NAALADL2: variants seen among roughly 807,000 people sequenced by gnomAD.
NAALADL2 encodes the protein N-acetylated alpha-linked acidic dipeptidase like 2.
A neutral mutation model predicts 87.2 loss-of-function variants in NAALADL2; 76 were observed. The observed-to-expected ratio is 0.87, with a 90% CI of 0.72 to 1.05. NAALADL2 has a LOEUF of 1.05. Among genes scored for constraint, NAALADL2 ranks in the 50% least tolerant of loss-of-function variants. The pLI is 0.00. For synonymous variants in NAALADL2, 354 were observed against 331.0 expected (o/e 1.07, Z -0.75); for missense variants, 1,089 against 945.8 (o/e 1.15, Z -1.99).
intron 13 of NAALADL2, among the ~76,000 whole-genome samples, chr3:175,769,532 C>T (rs1749196935): frequency 1.3e-5 from 2 of 152,132 alleles, no homozygotes; most frequent in Non-Finnish European, 2.9e-5. Context: ...TACTTTTTAT[C>T]TATTTATGTA....
chr3:174,824,973 C>T (rs1721821648), intron 3 of NAALADL2, among the ~76,000 whole-genome samples: 1 of 152,158 alleles, frequency 6.6e-6, no homozygotes, highest in Non-Finnish European at 1.5e-5. Flanking sequence ...CTGCAATTCT[C>T]ATTGATTAAT....
At chr3:175,693,398 G>A (rs143320921) in intron 11 of NAALADL2, among the ~76,000 whole-genome samples, 2 of 152,272 alleles carry the variant, frequency 1.3e-5, no homozygotes, top group East Asian at 3.9e-4. Context: ...GTAACCCAAT[G>A]CACTCAGGCA....
At chr3:175,752,207 T>C (rs1464386604) in intron 12 of NAALADL2, among the ~76,000 whole-genome samples, 1 of 152,130 alleles carries the variant, frequency 6.6e-6, no homozygotes, top group Non-Finnish European at 1.5e-5. Context: ...TACATAGGGT[T>C]CTTTCCAATC....
At chr3:175,324,645 C>A (rs1458793681) in intron 5 of NAALADL2, among the ~76,000 whole-genome samples, 1 of 152,092 alleles carries the variant, frequency 6.6e-6, no homozygotes, top group Non-Finnish European at 1.5e-5. Context: ...TCCAGGTAAG[C>A]CAATAGCATG....
intron 2 of NAALADL2, among the ~76,000 whole-genome samples, chr3:174,632,423 T>TA (rs1433243398): frequency 6.6e-6 from 1 of 152,130 alleles, no homozygotes; most frequent in African/African-American, 2.4e-5. Flanking sequence ...AATACATTTG[T>TA]AAAATATATA....
chr3:175,723,508 G>T (rs952886860), intron 11 of NAALADL2, among the ~76,000 whole-genome samples: 10 of 152,102 alleles, frequency 6.6e-5, no homozygotes, highest in Non-Finnish European at 1.3e-4. Context: ...ATTGCTAGAT[G>T]AAATTAAGAC....
chr3:174,928,572 T>A (rs1306857120), intron 1 of NAALADL2, among the ~76,000 whole-genome samples: 1 of 152,208 alleles, frequency 6.6e-6, no homozygotes, highest in Non-Finnish European at 1.5e-5. Flanking sequence ...GTAATCATAA[T>A]TAAAGAAATT....
chr3:175,628,154 C>T (rs575466651), intron 11 of NAALADL2, among the ~76,000 whole-genome samples: 1 of 151,628 alleles, frequency 6.6e-6, no homozygotes, highest in South Asian at 2.1e-4. Context: ...ACATCAAGTA[C>T]CCATACAACC....
intron 1 of NAALADL2, among the ~76,000 whole-genome samples, chr3:174,893,310 A>AC (rs35730234): frequency 0.12 from 17,296 of 138,996 alleles, 1,088 homozygotes; most frequent in East Asian, 0.31. Flanking sequence ...GAGTACTTCA[A>AC]CCCCCCCCCG....
At chr3:174,866,014 A>C (rs74867122) in intron 1 of NAALADL2, among the ~76,000 whole-genome samples, 14,193 of 151,946 alleles carry the variant, frequency 0.093, 753 homozygotes, top group Middle Eastern at 0.13. Context: ...GAACATGCTG[A>C]AAAACTGTCA....
rs71164650 is a variant in NAALADL2 at position 175,737,714 on chromosome 3, G to GTTTTTTTTTTTTTTTTTTT, written c.1990+327_1990+345dup. Among the ~76,000 whole-genome samples, 9 of 54,760 alleles carry GTTTTTTTTTTTTTTTTTTT rather than the reference G, an allele frequency of 1.6e-4. 2 individuals carry two copies. Among genetic ancestry groups the GTTTTTTTTTTTTTTTTTTT allele is most frequent in the African/African-American group, 7.4e-4 (9 of 12,160 alleles). 35.9% of individuals were successfully genotyped at this position (54,760 alleles called of 152,430 possible). On this transcript the variant is annotated intron_variant, in intron 12 of 13. Coordinates refer to ENST00000454872, the MANE Select transcript of NAALADL2 (RefSeq NM_207015.3). ...TAGAATAATACAGTTCAATGATCCA[G>GTTTTTTTTTTTTTTTTTTT]TTTTTTTTTTTTTTTTTTTTTTTTT...
intron 1 of NAALADL2, among the ~76,000 whole-genome samples, chr3:175,045,687 G>C (rs1228070074): frequency 6.6e-6 from 1 of 152,118 alleles, no homozygotes; most frequent in Non-Finnish European, 1.5e-5. Flanking sequence ...GTCACGCAGG[G>C]TGGCAAGGAT....
At chr3:175,189,366 T>C (rs1276223448) in intron 2 of NAALADL2, among the ~76,000 whole-genome samples, 4 of 152,236 alleles carry the variant, frequency 2.6e-5, no homozygotes, top group Admixed American at 1.3e-4. Flanking sequence ...TTAGAACCAA[T>C]AAATAAATTC....
intron 2 of NAALADL2, among the ~76,000 whole-genome samples, chr3:174,604,253 G>A (rs1718751984): frequency 6.6e-6 from 1 of 152,056 alleles, no homozygotes; most frequent in Non-Finnish European, 1.5e-5. Context: ...ATTCAGTGTT[G>A]AGTGCATATA....
rs182838458 is a variant in NAALADL2 at position 175,596,600 on chromosome 3, T to C, written c.1800+20413T>C. Among the ~76,000 whole-genome samples the C allele has an allele frequency of 1.8e-4, 27 of 152,036 alleles. No homozygotes were observed. In the East Asian group the frequency reaches 2.3e-3, roughly 13 times the overall value. On this transcript the variant is annotated intron_variant, in intron 10 of 13. Coordinates refer to ENST00000454872, the MANE Select transcript of NAALADL2 (RefSeq NM_207015.3). ...TGAGCGAATCCAGACTGAGTTTTTT[T>C]CCCATGTTGAGAAGTCTGCTCTCCA...
intron 5 of NAALADL2, among the ~76,000 whole-genome samples, chr3:175,370,808 T>C (rs1766384130): frequency 6.6e-6 from 1 of 152,194 alleles, no homozygotes; most frequent in Non-Finnish European, 1.5e-5. Flanking sequence ...TTTCTTTCAT[T>C]GTTTTCAATA....
rs1413689750 is a variant in NAALADL2 at position 174,993,455 on chromosome 3, C to T, written c.44-103335C>T. On this transcript the variant is annotated intron_variant, in intron 1 of 13. Coordinates refer to ENST00000454872, the MANE Select transcript of NAALADL2 (RefSeq NM_207015.3). ...AGTGAGACATTCTTTACCCAAATAA[C>T]TAACAAGTATAAAATTGTAATTAAA... Among the ~76,000 whole-genome samples the T allele has an allele frequency of 2.0e-5, 3 of 152,092 alleles. No homozygotes were observed. The East Asian group carries it at 5.8e-4, about 29-fold the overall frequency.
At chr3:174,940,346 C>G (rs1738389964) in intron 1 of NAALADL2, among the ~76,000 whole-genome samples, 1 of 152,150 alleles carries the variant, frequency 6.6e-6, no homozygotes, top group South Asian at 2.1e-4. Context: ...AATCTTGCAT[C>G]CCAGGGGTGA....
At chr3:175,080,200 C>T (rs1158665325) in intron 1 of NAALADL2, among the ~76,000 whole-genome samples, 2 of 152,130 alleles carry the variant, frequency 1.3e-5, no homozygotes, top group East Asian at 3.9e-4. Context: ...CTCCTGACCT[C>T]GTGATCCACG....
Sources: gnomAD v4.1 joint callset for allele counts (sites outside exome capture counted in the v4.1 genomes callset) on GRCh38, gnomAD v4.1.1 for gene constraint, MANE v1.5 for transcripts, NCBI Gene and HGNC (gene_info 2026-07-23, HGNC 2026-07-21) for gene names.